Variants in EIF2S3B observed in about 807,000 individuals in gnomAD.
The protein encoded by EIF2S3B is eukaryotic translation initiation factor 2 subunit 3B.
Under a neutral mutation model 26.4 loss-of-function variants are expected in EIF2S3B, and 16 were observed. The ratio of observed to expected loss-of-function variants is 0.61; its 90% CI spans 0.41 to 0.92. EIF2S3B has a LOEUF of 0.92. EIF2S3B is among the 40% of genes least tolerant of loss of function. EIF2S3B has a pLI of 0.00. For synonymous variants in EIF2S3B, 183 were observed against 204.4 expected, an observed-to-expected ratio of 0.90 and a Z score of 0.89; for missense variants, 510 against 575.5, an observed-to-expected ratio of 0.89 and a Z score of 1.16.
chr12:10,522,744 C>T (rs1392507452), exon 2 of EIF2S3B: 3 of 667,488 alleles, frequency 4.5e-6, no homozygotes, highest in Non-Finnish European at 5.4e-6. Context: ...AACATGATCC[C>T]CTTTCTGCTC....
downstream of EIF2S3B, among the ~76,000 whole-genome samples, chr12:10,510,200 A>C (rs1420956168): frequency 6.6e-6 from 1 of 152,190 alleles, no homozygotes; most frequent in Non-Finnish European, 1.5e-5. Context: ...GTTTAAAATT[A>C]ACAGTGCTTC....
At chr12:10,515,784 C>T (rs528749934) in intron 1 of EIF2S3B, among the ~76,000 whole-genome samples, 13 of 151,620 alleles carry the variant, frequency 8.6e-5, no homozygotes, top group East Asian at 5.8e-4. Context: ...ATATAATATA[C>T]GTATACACAC....
chr12:10,516,011 TAAAATA>T (rs1483971155), intron 1 of EIF2S3B, among the ~76,000 whole-genome samples: 10 of 151,274 alleles, frequency 6.6e-5, no homozygotes, highest in Non-Finnish European at 1.3e-4. Flanking sequence ...TAAATTTTAT[TAAAATA>T]AATTATTTTA....
downstream of EIF2S3B, among the ~76,000 whole-genome samples, chr12:10,512,772 C>A (rs1356435260): frequency 6.6e-6 from 1 of 152,098 alleles, no homozygotes. Context: ...TTTCCTCTAA[C>A]ATTTTCCCTC....
rs553116818 is a variant in EIF2S3B, at chr12:10,505,924, G to T, written c.22G>T (p.Val8Leu). The T allele has an allele frequency of 2.2e-5, 35 of 1,599,774 alleles. No homozygotes were observed. In the African/African-American group the frequency reaches 3.3e-4, roughly 15 times the overall value. Residue 8 changes from valine (V) to leucine (L), a missense_variant, in exon 1 of 1, where the codon GTG becomes TTG. Transcript: ENST00000538173. ...CAACATGGCGGGCGGAGAAGCTGGG[G>T]TGACTCTGGGGCAGCCGCACCTTTC... Reference protein sequence around the residue: MAGGEAGVTLGQPHLSRQ... With the variant: MAGGEAGLTLGQPHLSRQ...
At chr12:10,522,626 G>T in exon 2 of EIF2S3B, 2 of 695,856 alleles carry the variant, frequency 2.9e-6, no homozygotes, top group Non-Finnish European at 5.3e-6. Flanking sequence ...ACCTTGATTT[G>T]ATTAAGGAAT....
intron 1 of EIF2S3B, among the ~76,000 whole-genome samples, chr12:10,513,605 A>T (rs938505545): frequency 6.6e-6 from 1 of 152,228 alleles, no homozygotes; most frequent in African/African-American, 2.4e-5. Context: ...TACTTATGCA[A>T]ATATTTCTCT....
intron 1 of EIF2S3B, among the ~76,000 whole-genome samples, chr12:10,518,952 C>A (rs1349750236): frequency 2.0e-5 from 3 of 152,014 alleles, no homozygotes; most frequent in Non-Finnish European, 4.4e-5. Context: ...TTTATAGATT[C>A]AATGCCATCC....
chr12:10,515,782 T>G (rs1269790474), intron 1 of EIF2S3B, among the ~76,000 whole-genome samples: 1 of 151,698 alleles, frequency 6.6e-6, no homozygotes, highest in Non-Finnish European at 1.5e-5. Context: ...ATATATAATA[T>G]ACGTATACAC....
chr12:10,506,405 C>A lies in EIF2S3B; in HGVS notation c.503C>A (p.Pro168His). 6.2e-7 allele frequency: 1 copy of A among 1,613,986 alleles called. No homozygotes were observed. The highest frequency in any genetic ancestry group is 8.5e-7 in the Non-Finnish European group (1 of 1,179,868). Residue 168 changes from proline (P) to histidine (H), a missense_variant, in exon 1 of 1, where the codon CCT (proline) becomes CAT (histidine). Physicochemically the swap from Pro to His is moderately conservative, Grantham distance 77. Transcript: ENST00000538173. ...GCTGGTAATGAATCTTGCCCTCAGC[C>A]TCAGACATCTGAACACCTGGCTGCT... ...LIAGNESCPQ[P>H]QTSEHLAAIE...
intron 1 of EIF2S3B, among the ~76,000 whole-genome samples, chr12:10,518,618 T>C (rs1358063090): frequency 2.6e-5 from 4 of 152,110 alleles, no homozygotes; most frequent in African/African-American, 9.7e-5. Context: ...TTAATATTTC[T>C]CAGCCCAAAA....
At position 10,507,218 on chromosome 12, in the gene EIF2S3B, A is replaced by G. The variant is rs1591633032; in HGVS notation, c.1316A>G (p.Glu439Gly). The change falls in exon 1 of 1, where the codon GAA becomes GGA. Residue 439 changes from glutamate to glycine, a missense_variant. Transcript: ENST00000538173. ...LTNPVCTEVG[E>G]KIALSRRVEK... ...AATCCAGTGTGCACAGAGGTAGGAG[A>G]AAAAATTGCCCTTAGCCGAAGAGTT... 5 of 1,613,882 alleles carry G rather than the reference A, an allele frequency of 3.1e-6. No individual in the cohort carries two copies. The Admixed American group carries it at 8.3e-5, about 27-fold the overall frequency.
At chr12:10,522,812 G>C (rs1325975873) in exon 2 of EIF2S3B, 1 of 527,662 alleles carries the variant, frequency 1.9e-6, no homozygotes, top group Non-Finnish European at 3.4e-6. Flanking sequence ...CACAATTATG[G>C]GAAGAACTTA....
rs757862521 is a variant in EIF2S3B, at chr12:10,506,920, G to A, written c.1018G>A (p.Gly340Arg). 1.2e-6 allele frequency: 2 copies of A among 1,613,858 alleles called. No individual in the cohort carries two copies. The highest frequency in any genetic ancestry group is 4.5e-5 in the East Asian group (2 of 44,886). The stretch of plus-strand genomic sequence containing the variant: ...TGCTCCAGGCGGTCTTATTGGAGTT[G>A]GAACAAAAATTGACCCCACTTTGTG... The part of the protein sequence containing the change: ...YAAPGGLIGV[G>R]TKIDPTLCRA... Residue 340 changes from glycine (G) to arginine (R), a missense_variant, in exon 1 of 1, where the codon GGA (glycine) becomes AGA (arginine). Physicochemically the swap from Gly to Arg is moderately radical, Grantham distance 125 (BLOSUM62 -2). Coordinates refer to ENST00000538173, the MANE Select transcript of EIF2S3B (RefSeq NM_001357734.3).
intron 1 of EIF2S3B, among the ~76,000 whole-genome samples, chr12:10,513,999 A>G (rs1864730303): frequency 6.6e-6 from 1 of 152,214 alleles, no homozygotes; most frequent in Admixed American, 6.5e-5. Flanking sequence ...TGGGTGACAG[A>G]GCGAGACTCC....
intron 1 of EIF2S3B, among the ~76,000 whole-genome samples, chr12:10,515,760 T>G (rs1864748580): frequency 6.6e-6 from 1 of 151,792 alleles, no homozygotes; most frequent in Admixed American, 6.6e-5. Context: ...CAAAAAAACT[T>G]AGTGTTATTT....
intron 1 of EIF2S3B, among the ~76,000 whole-genome samples, chr12:10,520,396 A>C (rs1203236001): frequency 6.9e-6 from 1 of 145,578 alleles, no homozygotes; most frequent in African/African-American, 2.5e-5. Context: ...GCATTAGGAG[A>C]TATACCTAAT....
chr12:10,521,314 A>C (rs191571592), intron 1 of EIF2S3B, among the ~76,000 whole-genome samples: 13 of 152,238 alleles, frequency 8.5e-5, no homozygotes, highest in Admixed American at 5.9e-4. Context: ...GGATTTAAGG[A>C]AAGGAAGTTT....
intron 1 of EIF2S3B, among the ~76,000 whole-genome samples, chr12:10,514,841 C>T (rs1864738876): frequency 6.6e-6 from 1 of 152,066 alleles, no homozygotes. Context: ...CTAACCTTGA[C>T]TCCTAAAACA....
Sources: allele counts gnomAD v4.1 joint callset (sites outside exome capture counted in the v4.1 genomes callset), GRCh38; gene constraint gnomAD v4.1.1; transcripts MANE v1.5; gene names NCBI Gene and HGNC (gene_info 2026-07-23, HGNC 2026-07-21).